The following LRRFIP2 variants were observed in gnomAD, a reference collection of about 807,000 sequenced individuals.
The protein encoded by LRRFIP2 is LRR binding FLII interacting protein 2.
In LRRFIP2, 109 loss-of-function variants were observed where a neutral mutation model predicts 125.9. The ratio of observed to expected loss-of-function variants is 0.87; its 90% CI spans 0.74 to 1.01. The LOEUF (loss-of-function observed/expected upper bound fraction) is 1.01. Among genes scored for constraint, LRRFIP2 ranks in the 50% least tolerant of loss-of-function variants. The pLI is 0.00. For synonymous variants in LRRFIP2, 291 were observed against 293.1 expected, an observed-to-expected ratio of 0.99 and a Z score of 0.07; for missense variants, 850 against 862.3, an observed-to-expected ratio of 0.99 and a Z score of 0.18.
intron 1 of LRRFIP2, among the ~76,000 whole-genome samples, chr3:37,154,215 G>T (rs986249117): frequency 1.3e-5 from 2 of 152,032 alleles, no homozygotes; most frequent in East Asian, 1.9e-4. Flanking sequence ...AGGTTTTTCC[G>T]TTCTCATGCA....
chr3:37,118,712 C>T (rs1465797148), intron 6 of LRRFIP2, among the ~76,000 whole-genome samples: 1 of 152,094 alleles, frequency 6.6e-6, no homozygotes, highest in Non-Finnish European at 1.5e-5. Context: ...ACCTAAAGTC[C>T]TAAGAATGCA....
intron 23 of LRRFIP2, chr3:37,064,819 T>C (rs531620253): frequency 2.2e-4 from 34 of 152,270 alleles, no homozygotes; most frequent in African/African-American, 6.0e-4. Flanking sequence ...TGGTTTCTTC[T>C]GCACCTTCCA....
At chr3:37,141,559 G>A (rs73827218) in intron 2 of LRRFIP2, among the ~76,000 whole-genome samples, 1,655 of 152,208 alleles carry the variant, frequency 0.011, 38 homozygotes, top group African/African-American at 0.037. Flanking sequence ...CATTTATTTC[G>A]CATTTGATTT....
At chr3:37,066,356 A>G in intron 21 of LRRFIP2, 31 bp from the exon 22 acceptor site, 2 of 1,547,758 alleles carry the variant, frequency 1.3e-6, no homozygotes, top group Non-Finnish European at 1.8e-6. Context: ...AAGGGAAACA[A>G]TGGCACAGAA....
At chr3:37,069,427 T>G (rs1014169952) in intron 21 of LRRFIP2, among the ~76,000 whole-genome samples, 1 of 152,188 alleles carries the variant, frequency 6.6e-6, no homozygotes, top group Non-Finnish European at 1.5e-5. Flanking sequence ...TGCTGCAAAA[T>G]GAACCTTGAG....
intron 22 of LRRFIP2, 117 bp from the exon 23 acceptor site, chr3:37,066,059 C>T: frequency 7.1e-7 from 1 of 1,404,584 alleles, no homozygotes; most frequent in Non-Finnish European, 1.0e-6. Context: ...GAATCAGTTA[C>T]ATGAAATATA....
intron 15 of LRRFIP2, 29 bp downstream of exon 15, chr3:37,102,895 T>C (rs1249550987): frequency 1.6e-5 from 23 of 1,473,244 alleles, no homozygotes; most frequent in Non-Finnish European, 2.0e-5. Context: ...TGGGACAACA[T>C]AACCAACCAC....
chr3:37,092,637 AT>A (rs2093507684), intron 17 of LRRFIP2, among the ~76,000 whole-genome samples: 1 of 152,218 alleles, frequency 6.6e-6, no homozygotes, highest in Non-Finnish European at 1.5e-5. Context: ...GCAAGAGTTT[AT>A]CTTATTCAAC....
rs1575657033 is a variant in LRRFIP2, at chr3:37,053,047, A to C, written c.*804T>G. On this transcript the variant is annotated 3_prime_UTR_variant, in exon 28 of 28. Coordinates refer to ENST00000336686, the MANE Select transcript of LRRFIP2 (RefSeq NM_006309.4). ...TGTATTTAATAGAATCTGCAGGCAGATTTCCAATCTGCCTGCCCTGCCCTA... is the reference window on the plus strand; with the variant it reads ...TGTATTTAATAGAATCTGCAGGCAGCTTTCCAATCTGCCTGCCCTGCCCTA... 1 of 152,552 alleles carries C rather than the reference A, an allele frequency of 6.6e-6. No individual in the cohort carries two copies. The highest frequency in any genetic ancestry group is 6.5e-5 in the Admixed American group (1 of 15,280). 9.4% of individuals were successfully genotyped at this position (152,552 alleles called of 1,614,324 possible).
intron 1 of LRRFIP2, among the ~76,000 whole-genome samples, chr3:37,173,827 GT>G (rs910127073): frequency 3.9e-5 from 6 of 152,184 alleles, no homozygotes; most frequent in African/African-American, 1.4e-4. Context: ...ATAAAGATTT[GT>G]TTTTGTTTTG....
At chr3:37,150,588 C>A (rs1189328595) in intron 1 of LRRFIP2, among the ~76,000 whole-genome samples, 1 of 152,118 alleles carries the variant, frequency 6.6e-6, no homozygotes, top group African/African-American at 2.4e-5. Flanking sequence ...GACCATCTAA[C>A]CTTTGGTTAG....
At chr3:37,165,322 T>C (rs944189530) in intron 1 of LRRFIP2, among the ~76,000 whole-genome samples, 1 of 151,924 alleles carries the variant, frequency 6.6e-6, no homozygotes, top group Non-Finnish European at 1.5e-5. Flanking sequence ...TAATGCCTGA[T>C]GATCATCTGA....
Position 37,120,308 on chromosome 3 carries a change from T to G in LRRFIP2, c.330+1184A>C, listed in dbSNP as rs2094970818. On this transcript the variant is annotated intron_variant, in intron 6 of 27. Coordinates refer to ENST00000336686, the MANE Select transcript of LRRFIP2 (RefSeq NM_006309.4). ...TTCAGTAGAGACAGGTTTCACCATGTTAGCCAGGCTGGTCTTGAACTCCCG... is the reference window on the plus strand; with the variant it reads ...TTCAGTAGAGACAGGTTTCACCATGGTAGCCAGGCTGGTCTTGAACTCCCG... 3.9e-5 allele frequency among the ~76,000 whole-genome samples: 6 copies of G among 152,166 alleles called. No individual in the cohort carries two copies. The South Asian group carries it at 1.2e-3, about 32-fold the overall frequency.
chr3:37,144,436 T>C (rs957479460), intron 2 of LRRFIP2, among the ~76,000 whole-genome samples: 3 of 152,314 alleles, frequency 2.0e-5, no homozygotes, highest in African/African-American at 7.2e-5. Flanking sequence ...AAAATCTTTC[T>C]GTATTTAATG....
At chr3:37,121,440 A>T (rs745378639) in intron 6 of LRRFIP2, 52 bp downstream of exon 6, 33 of 1,531,324 alleles carry the variant, frequency 2.2e-5, no homozygotes, top group South Asian at 1.2e-4. Flanking sequence ...AACATTATTG[A>T]AGAAAGCTCA....
rs775235879 is a variant in LRRFIP2 at position 37,075,080 on chromosome 3, G to A, written c.1315C>T (p.Gln439Ter). 2 of 1,612,210 alleles carry A rather than the reference G, an allele frequency of 1.2e-6. No homozygotes were observed. The highest frequency in any genetic ancestry group is 1.1e-5 in the South Asian group (1 of 91,068). The change falls in exon 20 of 28, where the codon CAG becomes TAG. Residue 439 changes from glutamine (Q) to a stop codon, truncating the protein, a stop_gained. Transcript: ENST00000336686. LOFTEE classifies it high-confidence loss of function. ...ERQKHMCSVL[Q>*]HKMEELKEGL... ...TCTTTAAGTTCTTCCATCTTATGCT[G>A]CAGCACACTACACATATGTTTCTGC... is the stretch of plus-strand genomic sequence containing the variant.
chr3:37,059,015 G>C lies in LRRFIP2; in HGVS notation c.1750-105C>G, dbSNP rs6773787. 4,967 of 1,408,982 alleles carry C rather than the reference G, an allele frequency of 3.5e-3. 137 individuals are homozygous for C. The African/African-American group carries it at 0.06, about 17-fold the overall frequency. The allele number at this position is 1,408,982 out of a possible 1,614,324, so 87.3% of individuals were successfully genotyped here. On this transcript the variant is annotated intron_variant, in intron 24 of 27. Transcript: ENST00000336686. ...AACAAAGCAGACCCTTATCGTATCA[G>C]CCACATTCATTCAAAACCTATTTTC...
At chr3:37,055,376 G>T (rs538733405) in intron 25 of LRRFIP2, among the ~76,000 whole-genome samples, 2 of 152,244 alleles carry the variant, frequency 1.3e-5, no homozygotes, top group South Asian at 2.1e-4. Context: ...GACCATCCTG[G>T]CCAACATGGT....
intron 1 of LRRFIP2, among the ~76,000 whole-genome samples, chr3:37,167,337 A>AT (rs1037433599): frequency 7.2e-5 from 11 of 152,060 alleles, no homozygotes; most frequent in Non-Finnish European, 1.3e-4. Flanking sequence ...AAAATAATCG[A>AT]TTTTTTTGTG....
Sources: allele counts gnomAD v4.1 joint callset (sites outside exome capture counted in the v4.1 genomes callset), GRCh38; gene constraint gnomAD v4.1.1; transcripts MANE v1.5; gene names NCBI Gene and HGNC (gene_info 2026-07-23, HGNC 2026-07-21).